Variants in SYT1 observed in about 807,000 individuals in gnomAD.
The protein encoded by SYT1 is synaptotagmin-1.
SYT1 carries 8 observed loss-of-function variants against 44.8 expected under a neutral mutation model. That is an observed-to-expected ratio of 0.18 (90% confidence interval 0.10 to 0.32). The LOEUF (loss-of-function observed/expected upper bound fraction) is 0.32. Among genes scored for constraint, SYT1 ranks in the 10% least tolerant of loss-of-function variants. The probability of loss-of-function intolerance (pLI) is 1.00; values close to 1 mark genes in which losing one functional copy is unlikely to be tolerated. For missense variants in SYT1, 286 were observed against 509.3 expected (o/e 0.56, Z 4.22); for synonymous variants, 154 against 188.8 (o/e 0.82, Z 1.51).
At chr12:79,426,542 T>G (rs1220747448) in intron 9 of SYT1, among the ~76,000 whole-genome samples, 1 of 152,182 alleles carries the variant, frequency 6.6e-6, no homozygotes, top group Non-Finnish European at 1.5e-5. Flanking sequence ...AAAATTCATG[T>G]CCTTAACTGC....
At chr12:79,201,732 G>C (rs2138497550) in intron 3 of SYT1, among the ~76,000 whole-genome samples, 1 of 152,184 alleles carries the variant, frequency 6.6e-6, no homozygotes, top group South Asian at 2.1e-4. Flanking sequence ...AATAGGAAAA[G>C]GTGCAGATCT....
intron 1 of SYT1, among the ~76,000 whole-genome samples, chr12:78,913,878 T>C (rs1876488565): frequency 1.3e-5 from 2 of 151,902 alleles, no homozygotes; most frequent in Non-Finnish European, 2.9e-5. Flanking sequence ...ATATTTATTG[T>C]GTCTCTAGGA....
At chr12:78,986,558 A>G (rs1394661221) in intron 2 of SYT1, among the ~76,000 whole-genome samples, 2 of 151,946 alleles carry the variant, frequency 1.3e-5, no homozygotes, top group Non-Finnish European at 2.9e-5. Context: ...CAAAGTAACG[A>G]TTATTTGGTT....
intron 3 of SYT1, among the ~76,000 whole-genome samples, chr12:79,184,814 T>C (rs1326125358): frequency 2.6e-5 from 4 of 152,110 alleles, no homozygotes. Context: ...CCCCAGTGGT[T>C]TGTGACATCA....
intron 1 of SYT1, chr12:78,960,627 T>G (rs1265605922): frequency 6.6e-6 from 1 of 152,188 alleles, no homozygotes; most frequent in African/African-American, 2.4e-5. Context: ...AGTGTCATGT[T>G]ATGAAGGGGG....
intron 3 of SYT1, among the ~76,000 whole-genome samples, chr12:79,213,868 G>A (rs947105730): frequency 6.6e-6 from 1 of 152,176 alleles, no homozygotes; most frequent in Non-Finnish European, 1.5e-5. Flanking sequence ...GTTGCAGTGA[G>A]CAGAAATTGC....
Position 79,011,737 on chromosome 12 carries a change from G to T in SYT1, c.-84+33806G>T, listed in dbSNP as rs145417780. ...ATTAAAATTTCTGGGAGTAGATCCTGGGAATCTGCATTTTATAAGCTCCCT... is the reference window on the plus strand; with the variant it reads ...ATTAAAATTTCTGGGAGTAGATCCTTGGAATCTGCATTTTATAAGCTCCCT... On this transcript the variant is annotated intron_variant, in intron 2 of 10. Coordinates refer to ENST00000261205, the MANE Select transcript of SYT1 (RefSeq NM_005639.3). Among the ~76,000 whole-genome samples the T allele has an allele frequency of 3.6e-3, 548 of 151,182 alleles. 4 individuals carry two copies. Among genetic ancestry groups the T allele is most frequent in the African/African-American group, 0.012 (510 of 41,200 alleles).
chr12:79,035,005 G>A (rs1042369173), intron 2 of SYT1, among the ~76,000 whole-genome samples: 1 of 151,494 alleles, frequency 6.6e-6, no homozygotes, highest in Non-Finnish European at 1.5e-5. Flanking sequence ...CTTCCTCTAG[G>A]CTGTAATTTT....
intron 8 of SYT1, among the ~76,000 whole-genome samples, chr12:79,351,587 T>A (rs144186688): frequency 3.3e-5 from 5 of 152,220 alleles, no homozygotes; most frequent in African/African-American, 1.2e-4. Flanking sequence ...ACAGCAATTT[T>A]GTTCATTTAC....
At chr12:78,915,562 TGCCAAAAA>T (rs938715901) in intron 1 of SYT1, among the ~76,000 whole-genome samples, 24 of 152,078 alleles carry the variant, frequency 1.6e-4, no homozygotes, top group Non-Finnish European at 2.6e-4. Flanking sequence ...AAAATACACT[TGCCAAAAA>T]GTTTGTCTTA....
intron 4 of SYT1, among the ~76,000 whole-genome samples, chr12:79,224,658 C>T (rs904967682): frequency 1.3e-5 from 2 of 151,912 alleles, no homozygotes; most frequent in Non-Finnish European, 2.9e-5. Flanking sequence ...TTAGATTTTA[C>T]ACTGAGTGAA....
intron 1 of SYT1, among the ~76,000 whole-genome samples, chr12:78,938,861 G>T (rs559943178): frequency 2.0e-5 from 3 of 152,154 alleles, no homozygotes; most frequent in Non-Finnish European, 2.9e-5. Flanking sequence ...GGACAAAACC[G>T]ATTAGCAGAT....
chr12:78,885,328 G>GAA (rs1310431856), intron 1 of SYT1, among the ~76,000 whole-genome samples: 17 of 145,054 alleles, frequency 1.2e-4, no homozygotes, highest in Middle Eastern at 3.5e-3. Context: ...AAGAAGGAAG[G>GAA]AGGGAAGGAA....
chr12:79,440,508 C>CTATT (rs1593069098), intron 9 of SYT1, among the ~76,000 whole-genome samples: 1 of 152,266 alleles, frequency 6.6e-6, no homozygotes, highest in Non-Finnish European at 1.5e-5. Context: ...GTTTCCTATG[C>CTATT]TATTTACATG....
At chr12:78,980,644 T>G (rs924505400) in intron 2 of SYT1, among the ~76,000 whole-genome samples, 3 of 152,188 alleles carry the variant, frequency 2.0e-5, no homozygotes, top group Non-Finnish European at 2.9e-5. Context: ...ATGCCCAGAT[T>G]CAATTTTATG....
chr12:78,934,580 A>T (rs1231797262), intron 1 of SYT1, among the ~76,000 whole-genome samples: 1 of 152,036 alleles, frequency 6.6e-6, no homozygotes, highest in Non-Finnish European at 1.5e-5. Flanking sequence ...CAGAAAAAAC[A>T]CTTGTCTTAC....
intron 2 of SYT1, among the ~76,000 whole-genome samples, chr12:78,986,172 T>A (rs1869628675): frequency 6.6e-6 from 1 of 152,062 alleles, no homozygotes; most frequent in South Asian, 2.1e-4. Flanking sequence ...GAAATGTCGC[T>A]GGTGAATAGC....
intron 3 of SYT1, among the ~76,000 whole-genome samples, chr12:79,140,015 G>A (rs1320533014): frequency 6.6e-6 from 1 of 152,124 alleles, no homozygotes; most frequent in Admixed American, 6.6e-5. Context: ...ATGGAACAGG[G>A]GCTCTCCACA....
intron 8 of SYT1, among the ~76,000 whole-genome samples, chr12:79,313,941 G>T (rs545077614): frequency 6.6e-6 from 1 of 151,586 alleles, no homozygotes; most frequent in Non-Finnish European, 1.5e-5. Context: ...AGGCCGAGGC[G>T]GGCGGATCAC....
Sources: gnomAD v4.1 joint callset for allele counts (sites outside exome capture counted in the v4.1 genomes callset) on GRCh38, gnomAD v4.1.1 for gene constraint, MANE v1.5 for transcripts, NCBI Gene and HGNC (gene_info 2026-07-23, HGNC 2026-07-21) for gene names.